Variants in DRC8 observed in about 807,000 individuals in gnomAD.
The protein encoded by DRC8 is dynein regulatory complex protein 8.
the DRC8 span, among the ~76,000 whole-genome samples, chr1:244,999,058 C>CAAAAAAAAAAAA: frequency 7.1e-4 from 59 of 83,660 alleles, no homozygotes; most frequent in Middle Eastern, 7.1e-3. Context: ...GATCCTGGGT[C>CAAAAAAAAAAAA]AAAAAAAAAA....
the DRC8 span, among the ~76,000 whole-genome samples, chr1:245,036,430 A>C: frequency 6.6e-6 from 1 of 152,244 alleles, no homozygotes; most frequent in South Asian, 2.1e-4. Flanking sequence ...AAAACAGTTT[A>C]GTAGTTCTTG....
the DRC8 span, among the ~76,000 whole-genome samples, chr1:245,007,343 T>C: frequency 6.6e-6 from 1 of 152,168 alleles, no homozygotes; most frequent in African/African-American, 2.4e-5. Context: ...TTTGATTGGA[T>C]TTTAGTATGA....
At chr1:245,088,879 G>C in the DRC8 span, among the ~76,000 whole-genome samples, 1 of 152,162 alleles carries the variant, frequency 6.6e-6, no homozygotes, top group African/African-American at 2.4e-5. This position sits in a 1 kb window ranked among gnomAD's most constrained non-coding sequence, Gnocchi z 4.6. Flanking sequence ...AGTATATTTG[G>C]AATGTGGGAG....
At chr1:245,013,224 G>A in the DRC8 span, among the ~76,000 whole-genome samples, 1 of 152,084 alleles carries the variant, frequency 6.6e-6, no homozygotes, top group African/African-American at 2.4e-5. Flanking sequence ...GCCAGACCTC[G>A]AGAAAAAGGG....
the DRC8 span, among the ~76,000 whole-genome samples, chr1:245,041,968 A>G: frequency 6.6e-6 from 1 of 152,206 alleles, no homozygotes; most frequent in Non-Finnish European, 1.5e-5. Context: ...TAAGTCACAC[A>G]GTCTATGGTA....
At chr1:245,041,130 TTTAAGA>T in the DRC8 span, among the ~76,000 whole-genome samples, 4 of 152,146 alleles carry the variant, frequency 2.6e-5, no homozygotes, top group Admixed American at 6.6e-5. Flanking sequence ...AGATAAGAAC[TTTAAGA>T]TTAGGAGTCA....
chr1:245,066,844 T>C, the DRC8 span, among the ~76,000 whole-genome samples: 1 of 151,880 alleles, frequency 6.6e-6, no homozygotes, highest in South Asian at 2.1e-4. Flanking sequence ...GAGGCGGAGC[T>C]TGCAGTGAGC....
the DRC8 span, among the ~76,000 whole-genome samples, chr1:245,011,220 G>A: frequency 1.3e-5 from 2 of 152,108 alleles, no homozygotes; most frequent in Non-Finnish European, 2.9e-5. Context: ...CCATCAGAAA[G>A]CAAAAATATC....
the DRC8 span, among the ~76,000 whole-genome samples, chr1:245,082,382 G>A: frequency 2.0e-5 from 3 of 152,030 alleles, no homozygotes; most frequent in Admixed American, 2.0e-4. Context: ...ATAATTAGAG[G>A]GTAAATAAGC....
the DRC8 span, chr1:245,059,518 A>G: frequency 7.1e-7 from 1 of 1,413,546 alleles, no homozygotes. Context: ...ACTCCTTGTA[A>G]TTAAAAACAA....
chr1:244,971,746 C>G, the DRC8 span, among the ~76,000 whole-genome samples: 1 of 152,044 alleles, frequency 6.6e-6, no homozygotes, highest in Non-Finnish European at 1.5e-5. Context: ...GTCACTTGTT[C>G]CGGTGATCAC....
At chr1:245,019,705 G>A in the DRC8 span, among the ~76,000 whole-genome samples, 2 of 152,254 alleles carry the variant, frequency 1.3e-5, no homozygotes, top group East Asian at 3.9e-4. Context: ...AGCTTTGGGA[G>A]GCCAAGGTGG....
chr1:245,107,691 T>C, the DRC8 span, among the ~76,000 whole-genome samples: 5 of 152,310 alleles, frequency 3.3e-5, no homozygotes, highest in African/African-American at 9.6e-5. Flanking sequence ...TTCTCAGTCC[T>C]GCTCGGTTTC....
the DRC8 span, among the ~76,000 whole-genome samples, chr1:245,103,610 C>G: frequency 0.02 from 1,503 of 75,716 alleles, 16 homozygotes; most frequent in African/African-American, 0.079. Context: ...TGAGGAGGAT[C>G]AGAGGTGGTC....
At chr1:245,116,796 C>T in the DRC8 span, among the ~76,000 whole-genome samples, 1 of 152,158 alleles carries the variant, frequency 6.6e-6, no homozygotes, top group Admixed American at 6.5e-5. Flanking sequence ...CACGGAAGAG[C>T]TGTATAATAA....
chr1:245,115,701 C>T, the DRC8 span, among the ~76,000 whole-genome samples: 2 of 152,082 alleles, frequency 1.3e-5, no homozygotes, highest in Non-Finnish European at 2.9e-5. Context: ...GGGAGGTGGG[C>T]GTGTGAACAG....
the DRC8 span, chr1:245,083,461 G>A: frequency 6.2e-7 from 1 of 1,613,774 alleles, no homozygotes; most frequent in South Asian, 1.1e-5. Context: ...AATTCCAGAA[G>A]ATGTCCTTCT....
At chr1:245,104,514 A>T in the DRC8 span, among the ~76,000 whole-genome samples, 1 of 151,796 alleles carries the variant, frequency 6.6e-6, no homozygotes, top group African/African-American at 2.4e-5. Context: ...AAAAAAAAAA[A>T]AAAAGAAAAG....
At chr1:245,020,603 G>A in the DRC8 span, among the ~76,000 whole-genome samples, 1 of 138,958 alleles carries the variant, frequency 7.2e-6, no homozygotes, top group Non-Finnish European at 1.5e-5. Flanking sequence ...ATATACTGGA[G>A]TTTTTCTTTC....
Sources: allele counts gnomAD v4.1 joint callset (sites outside exome capture counted in the v4.1 genomes callset), GRCh38; gene constraint gnomAD v4.1.1; non-coding constraint Gnocchi (gnomAD v3.1); transcripts MANE v1.5; gene names NCBI Gene and HGNC (gene_info 2026-07-23, HGNC 2026-07-21).